The following OLFM1 variants were observed in gnomAD, a reference collection of about 807,000 sequenced individuals.
OLFM1 encodes the protein noelin.
Under a neutral mutation model 49.7 loss-of-function variants are expected in OLFM1, and 9 were observed. That is an observed-to-expected ratio of 0.18 (90% CI 0.11 to 0.32). The LOEUF (loss-of-function observed/expected upper bound fraction) is 0.32, where lower values mean the gene tolerates loss of function less well. Among genes scored for constraint, OLFM1 ranks in the 10% least tolerant of loss-of-function variants. The pLI, the probability that OLFM1 is intolerant of heterozygous loss-of-function variation, is 1.00. For missense variants in OLFM1, 369 were observed against 661.8 expected, an observed-to-expected ratio of 0.56 and a Z score of 4.85; for synonymous variants, 240 against 271.8, an observed-to-expected ratio of 0.88 and a Z score of 1.15.
upstream of OLFM1, chr9:135,087,323 C>T: frequency 2.0e-6 from 3 of 1,532,700 alleles, no homozygotes; most frequent in East Asian, 2.5e-5. Context: ...GCAACCTTTG[C>T]CCCAAAGCGG....
At chr9:135,081,989 C>A (rs558846214) in intron 1 of OLFM1, among the ~76,000 whole-genome samples, 2 of 152,326 alleles carry the variant, frequency 1.3e-5, no homozygotes, top group East Asian at 3.9e-4. Context: ...GGCTGCTCAC[C>A]TGGAGAAGGT....
At chr9:135,096,831 C>T (rs1830805316) in intron 3 of OLFM1, among the ~76,000 whole-genome samples, 2 of 152,186 alleles carry the variant, frequency 1.3e-5, no homozygotes, top group South Asian at 4.1e-4. Context: ...GAGAGAGATG[C>T]CAGCCTCCTT....
At chr9:135,083,869 C>T (rs1289388074), upstream of OLFM1, among the ~76,000 whole-genome samples, 10 of 152,200 alleles carry the variant, frequency 6.6e-5, no homozygotes, top group African/African-American at 1.2e-4. Context: ...GGCCCTTAGC[C>T]GTTCTCCCTC....
At chr9:135,077,073 G>GAA (rs61043559) in intron 1 of OLFM1, 1,508,084 of 1,550,544 alleles carry the variant, frequency 0.97, 733,475 homozygotes, top group East Asian at 1. Flanking sequence ...CTCTAGGAGA[G>GAA]GTTTTCTTGG....
At position 135,090,314 on chromosome 9, in the gene OLFM1, C is replaced by G. The variant is rs1368396401; in HGVS notation, c.270C>G (p.Arg90=). 6.2e-7 allele frequency: 1 copy of G among 1,614,070 alleles called. No homozygotes were observed. The highest frequency in any genetic ancestry group is 1.7e-5 in the Admixed American group (1 of 60,010). The change falls in exon 2 of 6, where the codon CGC becomes CGG. Residue 90 remains arginine (R), a synonymous_variant. Transcript: ENST00000371793. ...AGACCATGTGTTCACGGGATGCCCG[C>G]ACAAAACAGCTGAGGCAGCTACTGG... ...PQQTMCSRDA[R]TKQLRQLLEK...
upstream of OLFM1, among the ~76,000 whole-genome samples, chr9:135,082,763 A>G (rs577483630): frequency 3.9e-5 from 6 of 152,248 alleles, no homozygotes; most frequent in South Asian, 1.2e-3. Flanking sequence ...TTGTTCCATC[A>G]GCAATACAAA....
intron 5 of OLFM1, 133 bp downstream of exon 5, chr9:135,106,988 C>T (rs530863230): frequency 1.3e-5 from 9 of 689,140 alleles, no homozygotes; most frequent in African/African-American, 1.3e-4. Flanking sequence ...TGCCTGGGGG[C>T]GTTTGTTCCT....
At chr9:135,078,962 T>C (rs1408549708) in intron 1 of OLFM1, among the ~76,000 whole-genome samples, 1 of 152,160 alleles carries the variant, frequency 6.6e-6, no homozygotes, top group Non-Finnish European at 1.5e-5. Context: ...GATTCTTGAG[T>C]AAAATCCCTT....
At chr9:135,086,467 A>AG (rs1441581841), upstream of OLFM1, 3 of 375,668 alleles carry the variant, frequency 8.0e-6, no homozygotes, top group Non-Finnish European at 1.6e-5. Context: ...GGCGGGCGCC[A>AG]GGGAGGCGCG....
chr9:135,077,177 C>T (rs533730019), intron 1 of OLFM1: 3 of 1,543,600 alleles, frequency 1.9e-6, no homozygotes, highest in African/African-American at 1.4e-5. Context: ...CATGCACACA[C>T]AGGGGAGCAG....
intron 3 of OLFM1, chr9:135,097,692 C>T (rs1830819373): frequency 1.9e-6 from 2 of 1,048,716 alleles, no homozygotes; most frequent in South Asian, 1.3e-5. Flanking sequence ...TTCTAACTGA[C>T]CATGCAAATA....
upstream of OLFM1, among the ~76,000 whole-genome samples, chr9:135,082,757 T>C (rs897439434): frequency 7.2e-5 from 11 of 152,048 alleles, no homozygotes; most frequent in African/African-American, 2.7e-4. Flanking sequence ...GGTGCTTTGT[T>C]CCATCAGCAA....
intron 1 of OLFM1, chr9:135,075,849 G>C: frequency 6.5e-7 from 1 of 1,542,592 alleles, no homozygotes. Flanking sequence ...CGCCCGGCCC[G>C]GCCCCTCGGG....
chr9:135,102,885 C>T (rs1830889776), intron 4 of OLFM1, among the ~76,000 whole-genome samples: 1 of 152,166 alleles, frequency 6.6e-6, no homozygotes, highest in South Asian at 2.1e-4. Flanking sequence ...CTGTCTCTGG[C>T]CTGAGGTCCT....
At chr9:135,081,490 A>G (rs665337) in intron 1 of OLFM1, among the ~76,000 whole-genome samples, 131,090 of 151,988 alleles carry the variant, frequency 0.86, 56,918 homozygotes, top group Middle Eastern at 0.9. Context: ...GAGGGGGTCC[A>G]CTTGTGGTTT....
At chr9:135,110,758 C>G (rs187645113) in intron 5 of OLFM1, among the ~76,000 whole-genome samples, 4 of 152,296 alleles carry the variant, frequency 2.6e-5, no homozygotes, top group East Asian at 3.9e-4. Context: ...GCATCCCCCC[C>G]ACCTCTTTCC....
At chr9:135,077,177 C>A in intron 1 of OLFM1, 2 of 1,543,600 alleles carry the variant, frequency 1.3e-6, no homozygotes, top group South Asian at 1.2e-5. Flanking sequence ...CATGCACACA[C>A]AGGGGAGCAG....
At chr9:135,090,442 G>C (rs543932407) in intron 2 of OLFM1, 98 bp downstream of exon 2, 1 of 1,309,916 alleles carries the variant, frequency 7.6e-7, no homozygotes, top group South Asian at 1.5e-5. Flanking sequence ...ACCAAGGCTT[G>C]GCTAGCTTGC....
At chr9:135,078,520 G>T (rs918526675) in intron 1 of OLFM1, among the ~76,000 whole-genome samples, 15 of 152,202 alleles carry the variant, frequency 9.9e-5, no homozygotes, top group African/African-American at 3.1e-4. Flanking sequence ...CCTACGACAC[G>T]CAAGGCTGTG....
Sources: gnomAD v4.1 joint callset for allele counts (sites outside exome capture counted in the v4.1 genomes callset) on GRCh38, gnomAD v4.1.1 for gene constraint, MANE v1.5 for transcripts, NCBI Gene and HGNC (gene_info 2026-07-23, HGNC 2026-07-21) for gene names.